The following PRKAR1B variants were observed in gnomAD, a reference collection of about 807,000 sequenced individuals.
The protein encoded by PRKAR1B is cAMP-dependent protein kinase type I-beta regulatory subunit.
Under a neutral mutation model 46.5 loss-of-function variants are expected in PRKAR1B, and 22 were observed. The observed-to-expected ratio is 0.47, with a 90% CI of 0.34 to 0.68. PRKAR1B has a LOEUF of 0.68. Ranked by LOEUF, PRKAR1B falls within the 30% of genes least tolerant of loss-of-function variation. The pLI is 0.01. For missense variants in PRKAR1B, 445 were observed against 535.6 expected, an observed-to-expected ratio of 0.83 and a Z score of 1.67; for synonymous variants, 259 against 217.7, an observed-to-expected ratio of 1.19 and a Z score of -1.67.
At chr7:706,434 T>G in intron 2 of PRKAR1B, among the ~76,000 whole-genome samples, 1 of 139,540 alleles carries the variant, frequency 7.2e-6, no homozygotes, top group Non-Finnish European at 1.6e-5. Context: ...TTTTTTTTTT[T>G]TTTTTTTGAG....
intron 8 of PRKAR1B, among the ~76,000 whole-genome samples, chr7:581,567 TC>T (rs1705413209): frequency 6.6e-6 from 1 of 152,242 alleles, no homozygotes; most frequent in South Asian, 2.1e-4. Context: ...GTTAGGAAGT[TC>T]ATTTCCACAT....
intron 2 of PRKAR1B, among the ~76,000 whole-genome samples, chr7:701,466 A>T (rs888358963): frequency 6.6e-6 from 1 of 152,174 alleles, no homozygotes; most frequent in Non-Finnish European, 1.5e-5. Flanking sequence ...AGAAAAATAT[A>T]TTTGAAGACA....
Position 622,061 on chromosome 7 carries a change from C to T in PRKAR1B, c.441-14609G>A, listed in dbSNP as rs1783134564. Among the ~76,000 whole-genome samples the T allele has an allele frequency of 2.0e-5, 3 of 152,226 alleles. No individual in the cohort carries two copies. The South Asian group carries it at 6.2e-4, about 32-fold the overall frequency. The stretch of plus-strand genomic sequence containing the variant: ...TGGCTTTTTTATTCCTTTTTGTTGG[C>T]TTACATTGCTAATATATTGTGGAAC... On this transcript the variant is annotated intron_variant, in intron 4 of 10. Transcript: ENST00000537384.
At chr7:679,639 GTGA>G (rs2128506848) in intron 3 of PRKAR1B, among the ~76,000 whole-genome samples, 1 of 152,348 alleles carries the variant, frequency 6.6e-6, no homozygotes, top group East Asian at 1.9e-4. Context: ...GATGGTGGTG[GTGA>G]TGATTCCACA....
intron 9 of PRKAR1B, among the ~76,000 whole-genome samples, chr7:570,598 C>T (rs939612925): frequency 1.3e-5 from 2 of 152,166 alleles, no homozygotes; most frequent in East Asian, 1.9e-4. Flanking sequence ...GTGCTGTGGC[C>T]GGCCTGCTCC....
intron 4 of PRKAR1B, among the ~76,000 whole-genome samples, chr7:651,019 G>T (rs1287502761): frequency 1.3e-5 from 2 of 152,206 alleles, no homozygotes; most frequent in African/African-American, 4.8e-5. Flanking sequence ...ACAGAGGCTA[G>T]TCCAAGCCAT....
chr7:590,684 G>T (rs559079734), intron 7 of PRKAR1B, among the ~76,000 whole-genome samples: 1 of 152,318 alleles, frequency 6.6e-6, no homozygotes, highest in African/African-American at 2.4e-5. Flanking sequence ...AGTCCAGGGG[G>T]TGTCCTATCT....
At position 550,338 on chromosome 7, in the gene PRKAR1B, C is replaced by T. The variant is rs1784101639; in HGVS notation, c.*92G>A. 1.6e-6 allele frequency: 2 copies of T among 1,256,680 alleles called. No individual in the cohort carries two copies. Among genetic ancestry groups the T allele is most frequent in the Non-Finnish European group, 2.2e-6 (2 of 891,328 alleles). The allele number at this position is 1,256,680 out of a possible 1,614,324, so 77.8% of individuals were successfully genotyped here. ...CCGGGACCCAGCCCCACCCGGCCCA[C>T]ACCTCACACAGCGGCTCCCGGGCCC... is the stretch of plus-strand genomic sequence containing the variant. On this transcript the variant is annotated 3_prime_UTR_variant, in exon 11 of 11. Coordinates refer to ENST00000537384, the MANE Select transcript of PRKAR1B (RefSeq NM_001164760.2).
At chr7:660,959 C>T (rs1241895355) in intron 4 of PRKAR1B, among the ~76,000 whole-genome samples, 59 of 107,474 alleles carry the variant, frequency 5.5e-4, no homozygotes, top group East Asian at 1.6e-3. Flanking sequence ...ACTTACTCTT[C>T]CCCTCCATGG....
intron 4 of PRKAR1B, among the ~76,000 whole-genome samples, chr7:676,505 C>A (rs188638181): frequency 6.6e-6 from 1 of 152,222 alleles, no homozygotes; most frequent in Non-Finnish European, 1.5e-5. Flanking sequence ...GAACACGAAG[C>A]CCACGGTAAT....
At chr7:679,026 T>C (rs919160078) in intron 3 of PRKAR1B, among the ~76,000 whole-genome samples, 4 of 152,202 alleles carry the variant, frequency 2.6e-5, no homozygotes, top group African/African-American at 9.6e-5. Flanking sequence ...AGGCAGAGGT[T>C]GTGGTGAGCT....
At chr7:709,606 G>A (rs565887452) in intron 2 of PRKAR1B, among the ~76,000 whole-genome samples, 7 of 152,140 alleles carry the variant, frequency 4.6e-5, no homozygotes, top group South Asian at 4.2e-4. Flanking sequence ...TCCTGACCTC[G>A]TGATCTGCCC....
rs1562541649 is a variant in PRKAR1B at position 588,547 on chromosome 7, C to CAGTGGTGATCACGATGATGGTGAT, written c.709-3980_709-3979insATCACCATCATCGTGATCACCACT. ...GTGGTGACGGTGGTGATGGTGGTGA[C>CAGTGGTGATCACGATGATGGTGAT]GGTGGTGATGGTGGTGATGTTGGTG... On this transcript the variant is annotated intron_variant, in intron 7 of 10. Transcript: ENST00000537384. Among the ~76,000 whole-genome samples the CAGTGGTGATCACGATGATGGTGAT allele has an allele frequency of 3.5e-3, 17 of 4,918 alleles. 2 individuals are homozygous for CAGTGGTGATCACGATGATGGTGAT. The highest frequency in any genetic ancestry group is 9.0e-3 in the Admixed American group (4 of 442). The allele number at this position is 4,918 out of a possible 152,430, so 3.2% of individuals were successfully genotyped here. A position where few individuals can be genotyped will look rare whatever the true frequency, so the allele number is the denominator to read the frequency against.
At position 711,511 on chromosome 7, in the gene PRKAR1B, G is replaced by T; in HGVS notation, c.-6C>A. The T allele has an allele frequency of 3.1e-6, 5 of 1,612,502 alleles. No individual in the cohort carries two copies. The South Asian group carries it at 5.5e-5, about 18-fold the overall frequency. ...CAGGCGGGCGGGGAGGCCATGGCGA[G>T]GGTGGCTGCTTCCTTCCTGTCCAGA... On this transcript the variant is annotated 5_prime_UTR_variant, in exon 2 of 11. Transcript: ENST00000537384.
intron 4 of PRKAR1B, among the ~76,000 whole-genome samples, chr7:622,852 A>G (rs1220826343): frequency 6.6e-6 from 1 of 152,234 alleles, no homozygotes; most frequent in African/African-American, 2.4e-5. Context: ...ACATGACGCT[A>G]TCCAGGGGGA....
chr7:623,195 C>G (rs1783203157), intron 4 of PRKAR1B, among the ~76,000 whole-genome samples: 1 of 152,194 alleles, frequency 6.6e-6, no homozygotes, highest in Non-Finnish European at 1.5e-5. Context: ...AAAATTCTCT[C>G]TAAATAGCAA....
chr7:596,958 G>A lies in PRKAR1B; in HGVS notation c.550-654C>T, dbSNP rs140146703. Among the ~76,000 whole-genome samples the A allele has an allele frequency of 2.4e-4, 37 of 152,406 alleles. No homozygotes were observed. In the East Asian group the frequency reaches 6.7e-3, roughly 28 times the overall value. ...TGGGCGCTGCGGCCGAGCTGCGCCT[G>A]GGAAGGAGCCCAGACAAGATTCCCT... is the stretch of plus-strand genomic sequence containing the variant. On this transcript the variant is annotated intron_variant, in intron 6 of 10. Coordinates refer to ENST00000537384, the MANE Select transcript of PRKAR1B (RefSeq NM_001164760.2).
intron 2 of PRKAR1B, among the ~76,000 whole-genome samples, chr7:689,204 C>T (rs919302026): frequency 1.3e-5 from 2 of 152,080 alleles, no homozygotes; most frequent in African/African-American, 2.4e-5. Flanking sequence ...CAAGCTCTGC[C>T]TCTGCCTCCC....
intron 9 of PRKAR1B, among the ~76,000 whole-genome samples, chr7:572,159 G>A (rs1336995628): frequency 6.6e-6 from 1 of 152,174 alleles, no homozygotes; most frequent in Non-Finnish European, 1.5e-5. Context: ...CAGGCCCTGG[G>A]GCTCAGGGCT....
Sources: gnomAD v4.1 joint callset for allele counts (sites outside exome capture counted in the v4.1 genomes callset) on GRCh38, gnomAD v4.1.1 for gene constraint, MANE v1.5 for transcripts, NCBI Gene and HGNC (gene_info 2026-07-23, HGNC 2026-07-21) for gene names.